Variants in LINGO2 observed in about 807,000 individuals in gnomAD.
LINGO2 encodes leucine-rich repeat and immunoglobulin-like domain-containing nogo receptor-interacting protein 2.
Under a neutral mutation model 30.6 loss-of-function variants are expected in LINGO2, and 14 were observed. The ratio of observed to expected loss-of-function variants is 0.46; its 90% CI spans 0.30 to 0.72. LINGO2 has a LOEUF of 0.72. LINGO2 is among the 30% of genes least tolerant of loss of function. LINGO2 has a pLI of 0.07. For synonymous variants in LINGO2, 317 were observed against 288.5 expected (o/e 1.10, Z -1.00); for missense variants, 729 against 751.7 (o/e 0.97, Z 0.35).
chr9:28,371,401 C>T (rs1216222505), intron 3 of LINGO2, among the ~76,000 whole-genome samples: 3 of 152,162 alleles, frequency 2.0e-5, no homozygotes, highest in Admixed American at 6.6e-5. Flanking sequence ...GGCAGGAGTA[C>T]TGTATGTTGA....
chr9:28,294,576 G>A (rs1395941958), intron 4 of LINGO2, among the ~76,000 whole-genome samples: 7 of 152,098 alleles, frequency 4.6e-5, no homozygotes, highest in Admixed American at 3.9e-4. Context: ...ACCAAAATAT[G>A]GTTAACAGTT....
At chr9:28,615,209 C>A (rs1350725435) in intron 1 of LINGO2, among the ~76,000 whole-genome samples, 1 of 152,096 alleles carries the variant, frequency 6.6e-6, no homozygotes, top group African/African-American at 2.4e-5. Context: ...ATATCTTGGT[C>A]ATTGATTTGT....
In LINGO2 at chr9:28,382,704, A is replaced by C. The variant is rs149635273; in HGVS notation, c.-278-9836T>G. 2.6e-4 allele frequency among the ~76,000 whole-genome samples: 39 copies of C among 152,196 alleles called. No homozygotes were observed. The East Asian group carries it at 7.3e-3, about 29-fold the overall frequency. ...ACACTAAAGCATGGTGGTCAAAAAT[A>C]CTTGCTCTGTTTTTAGACAGTTGAC... On this transcript the variant is annotated intron_variant, in intron 2 of 5. Transcript: ENST00000379992.
At chr9:29,057,248 T>G in the LINGO2 span, among the ~76,000 whole-genome samples, 2 of 152,180 alleles carry the variant, frequency 1.3e-5, no homozygotes, top group Non-Finnish European at 2.9e-5. Flanking sequence ...TCCATTTGTT[T>G]GTGTCATCTA....
the LINGO2 span, among the ~76,000 whole-genome samples, chr9:28,682,349 A>G: frequency 1.4e-4 from 22 of 152,242 alleles, no homozygotes; most frequent in African/African-American, 4.6e-4. Context: ...CCTGACTTGC[A>G]TATCTGTGGC....
At chr9:28,525,801 A>T (rs1821002552) in intron 1 of LINGO2, among the ~76,000 whole-genome samples, 1 of 152,166 alleles carries the variant, frequency 6.6e-6, no homozygotes, top group Non-Finnish European at 1.5e-5. Flanking sequence ...CACGCCTGTA[A>T]TCTCAGCACT....
intron 1 of LINGO2, among the ~76,000 whole-genome samples, chr9:28,561,987 A>C (rs889776200): frequency 7.3e-5 from 11 of 151,696 alleles, no homozygotes; most frequent in African/African-American, 2.7e-4. Context: ...GAAAACAAAC[A>C]AAAACACTGT....
the LINGO2 span, among the ~76,000 whole-genome samples, chr9:28,711,513 T>C: frequency 5.3e-5 from 8 of 152,130 alleles, no homozygotes; most frequent in South Asian, 4.1e-4. Context: ...CCACACTCCC[T>C]GAACAGCAAG....
the LINGO2 span, among the ~76,000 whole-genome samples, chr9:29,005,752 G>C: frequency 1.3e-5 from 2 of 151,800 alleles, no homozygotes; most frequent in African/African-American, 4.8e-5. Flanking sequence ...CATGAATACT[G>C]CATTTTTGAA....
chr9:29,203,549 C>G, the LINGO2 span, among the ~76,000 whole-genome samples: 1 of 152,176 alleles, frequency 6.6e-6, no homozygotes, highest in Non-Finnish European at 1.5e-5. Flanking sequence ...AAAATAAATT[C>G]TGTCACCAAC....
chr9:28,928,950 A>C, the LINGO2 span, among the ~76,000 whole-genome samples: 1 of 152,134 alleles, frequency 6.6e-6, no homozygotes, highest in African/African-American at 2.4e-5. Context: ...ACAGCATGTG[A>C]ATAGGTCAGT....
chr9:28,714,446 T>C, the LINGO2 span, among the ~76,000 whole-genome samples: 2 of 151,966 alleles, frequency 1.3e-5, no homozygotes, highest in Non-Finnish European at 2.9e-5. Context: ...TGCAGTGTTT[T>C]CACAGTGTCT....
At chr9:28,373,791 T>C (rs371678955) in intron 2 of LINGO2, among the ~76,000 whole-genome samples, 18 of 151,482 alleles carry the variant, frequency 1.2e-4, no homozygotes, top group African/African-American at 4.1e-4. Flanking sequence ...TCCCAGCTAC[T>C]CGGGAGGCTG....
chr9:28,394,174 C>T (rs1821951625), intron 2 of LINGO2, among the ~76,000 whole-genome samples: 1 of 152,164 alleles, frequency 6.6e-6, no homozygotes, highest in Non-Finnish European at 1.5e-5. Flanking sequence ...ATTAACAGGT[C>T]CATACCAAAG....
chr9:28,468,605 G>T (rs747201967), intron 2 of LINGO2, among the ~76,000 whole-genome samples: 1 of 152,154 alleles, frequency 6.6e-6, no homozygotes, highest in African/African-American at 2.4e-5. Flanking sequence ...CAAGTTGGTA[G>T]ATTAGAAAGC....
intron 1 of LINGO2, among the ~76,000 whole-genome samples, chr9:28,509,405 C>A (rs1820279662): frequency 6.6e-6 from 1 of 152,186 alleles, no homozygotes; most frequent in Admixed American, 6.5e-5. Flanking sequence ...TGACTATTGA[C>A]CACCTTTTGA....
the LINGO2 span, among the ~76,000 whole-genome samples, chr9:28,845,426 T>C: frequency 6.6e-6 from 1 of 151,920 alleles, no homozygotes; most frequent in Non-Finnish European, 1.5e-5. Flanking sequence ...TCCTATTATG[T>C]CTTATGAAAA....
chr9:28,884,443 GACTT>G, the LINGO2 span, among the ~76,000 whole-genome samples: 7 of 152,162 alleles, frequency 4.6e-5, no homozygotes, highest in East Asian at 1.4e-3. Context: ...AACAAATGGA[GACTT>G]ACTATCGAAA....
At chr9:28,518,076 G>C (rs1391262743) in intron 1 of LINGO2, among the ~76,000 whole-genome samples, 1 of 152,110 alleles carries the variant, frequency 6.6e-6, no homozygotes, top group Non-Finnish European at 1.5e-5. Flanking sequence ...AAAATGTGAT[G>C]TATGGAGCAG....
Sources: allele counts gnomAD v4.1 joint callset (sites outside exome capture counted in the v4.1 genomes callset), GRCh38; gene constraint gnomAD v4.1.1; transcripts MANE v1.5; gene names NCBI Gene and HGNC (gene_info 2026-07-23, HGNC 2026-07-21).